The following POLH variants were observed in gnomAD, a reference collection of about 807,000 sequenced individuals.
POLH encodes the protein DNA polymerase eta transcript.
In POLH, 53 loss-of-function variants were observed where a neutral mutation model predicts 73.6. That is an observed-to-expected ratio of 0.72 (90% confidence interval 0.58 to 0.91). The LOEUF (loss-of-function observed/expected upper bound fraction) is 0.91, where lower values mean the gene tolerates loss of function less well. Ranked by LOEUF, POLH falls within the 40% of genes least tolerant of loss-of-function variation. The pLI is 0.00. For missense variants in POLH, 768 were observed against 865.4 expected, an observed-to-expected ratio of 0.89 and a Z score of 1.41; for synonymous variants, 292 against 308.5, an observed-to-expected ratio of 0.95 and a Z score of 0.56.
rs112592108 is a variant in POLH at position 43,579,898 on chromosome 6, C to CT, written c.-4-2402dup. On this transcript the variant is annotated intron_variant, in intron 1 of 10. Coordinates refer to ENST00000372236, the MANE Select transcript of POLH (RefSeq NM_006502.3). ...ATTGATTGTTGTTGAGTGAAAGAAT[C>CT]TTTTTTTTTTTTTTTTAAATTTATT... is the stretch of plus-strand genomic sequence containing the variant. Among the ~76,000 whole-genome samples the CT allele has an allele frequency of 7.9e-3, 1,083 of 137,016 alleles. 3 individuals are homozygous for CT. Among genetic ancestry groups the CT allele is most frequent in the Non-Finnish European group, 0.012 (739 of 63,312 alleles). The allele number at this position is 137,016 out of a possible 152,430, so 89.9% of individuals were successfully genotyped here.
intron 2 of POLH, 137 bp from the exon 3 acceptor site, chr6:43,582,870 C>T: frequency 1.3e-6 from 1 of 770,502 alleles, no homozygotes; most frequent in Non-Finnish European, 2.2e-6. Context: ...TTCTGAACTG[C>T]TTTGTTTTGG....
chr6:43,618,867 G>A lies in POLH; in HGVS notation c.*4310G>A, dbSNP rs539003236. ...GCTGGTCTTGAACTCTTGATCTCAA[G>A]TGATCCACCCGCCCTGGCCTCCCAA... On this transcript the variant is annotated 3_prime_UTR_variant, in exon 11 of 11. Transcript: ENST00000372236. Among the ~76,000 whole-genome samples, 592 of 151,946 alleles carry A rather than the reference G, an allele frequency of 3.9e-3. 8 individuals carry two copies. Among genetic ancestry groups the A allele is most frequent in the Non-Finnish European group, 3.7e-3 (251 of 67,968 alleles).
chr6:43,616,143 G>GTA lies in POLH; in HGVS notation c.*1586_*1587insTA, dbSNP rs1768321519. Among the ~76,000 whole-genome samples the GTA allele has an allele frequency of 1.3e-5, 2 of 152,010 alleles. No individual in the cohort carries two copies. Among genetic ancestry groups the GTA allele is most frequent in the Admixed American group, 6.6e-5 (1 of 15,266 alleles). On this transcript the variant is annotated 3_prime_UTR_variant, in exon 11 of 11. Transcript: ENST00000372236. ...ATACAAAAAAAAATTAGCCGGGTGC[G>GTA]GTGGCAGGCGCCTGTAGTCCCAGCT...
Position 43,619,364 on chromosome 6 carries a change from CAAAAAAAAAAAAAAAA to C in POLH, c.*4822_*4837del, listed in dbSNP as rs60046548. Among the ~76,000 whole-genome samples the C allele has an allele frequency of 5.7e-3, 213 of 37,096 alleles. 2 individuals are homozygous for C. Among genetic ancestry groups the C allele is most frequent in the African/African-American group, 0.011 (191 of 17,204 alleles). The allele number at this position is 37,096 out of a possible 152,430, so 24.3% of individuals were successfully genotyped here. A position where few individuals can be genotyped will look rare whatever the true frequency, so the allele number is the denominator to read the frequency against. ...TGGGTGACAGTCTGAGACCCTGTCT[CAAAAAAAAAAAAAAAA>C]AAAAAAAAAAAAAAGACTACATTCA... On this transcript the variant is annotated 3_prime_UTR_variant, in exon 11 of 11. Transcript: ENST00000372236.
rs911778127 is a variant in POLH, at chr6:43,610,549, C to T, written c.1075-5C>T. On this transcript the variant is annotated splice_polypyrimidine_tract_variant and splice_region_variant and intron_variant, in intron 9 of 10. Coordinates refer to ENST00000372236, the MANE Select transcript of POLH (RefSeq NM_006502.3). ...ATTTCTGGTCTCCATCCTTTCCACCCACAGAATGACAGGGTAGCCACCCAG... is the reference window on the plus strand; with the variant it reads ...ATTTCTGGTCTCCATCCTTTCCACCTACAGAATGACAGGGTAGCCACCCAG... 4 of 1,613,424 alleles carry T rather than the reference C, an allele frequency of 2.5e-6. No homozygotes were observed. Among genetic ancestry groups the T allele is most frequent in the Non-Finnish European group, 3.4e-6 (4 of 1,179,500 alleles).
intron 1 of POLH, among the ~76,000 whole-genome samples, chr6:43,576,936 A>G (rs941323656): frequency 2.0e-5 from 3 of 152,120 alleles, no homozygotes; most frequent in Non-Finnish European, 4.4e-5. Flanking sequence ...CGGGCGGATC[A>G]CCTGAGGTCA....
In POLH at chr6:43,587,326, T is replaced by G. The variant is rs1764935955; in HGVS notation, c.327T>G (p.Ile109Met). The change falls in exon 4 of 11, where the codon ATT becomes ATG. Residue 109 changes from isoleucine to methionine, a missense_variant. By Grantham distance (10) the Ile-to-Met change is conservative (BLOSUM62 1). Transcript: ENST00000372236. ...AGATAATGTCTCGTTTTGCTGTGAT[T>G]GAACGTGCCAGCATTGATGAGGCTT... ...VMEIMSRFAVIERASIDEAYV... is the reference protein window; with the variant it reads ...VMEIMSRFAVMERASIDEAYV... The G allele has an allele frequency of 6.2e-7, 1 of 1,614,186 alleles. No homozygotes were observed. Among genetic ancestry groups the G allele is most frequent in the Non-Finnish European group, 8.5e-7 (1 of 1,179,998 alleles).
At chr6:43,601,812 A>G (rs1009679627) in intron 6 of POLH, among the ~76,000 whole-genome samples, 1 of 151,936 alleles carries the variant, frequency 6.6e-6, no homozygotes, top group Admixed American at 6.6e-5. Flanking sequence ...TAATCCCAGC[A>G]CTTTGGGAGG....
intron 9 of POLH, among the ~76,000 whole-genome samples, chr6:43,608,444 C>T (rs957294966): frequency 3.9e-5 from 6 of 152,172 alleles, no homozygotes; most frequent in African/African-American, 9.7e-5. Flanking sequence ...GATCCAGTTG[C>T]GTTATCGCCC....
At chr6:43,592,251 A>AT (rs1765534834) in intron 4 of POLH, among the ~76,000 whole-genome samples, 3 of 152,206 alleles carry the variant, frequency 2.0e-5, no homozygotes, top group African/African-American at 7.2e-5. Flanking sequence ...TCCAGAAATC[A>AT]TTTTTCATGG....
chr6:43,578,654 G>A (rs1763670855), intron 1 of POLH, among the ~76,000 whole-genome samples: 1 of 152,162 alleles, frequency 6.6e-6, no homozygotes, highest in Admixed American at 6.5e-5. Context: ...ATTGTGTTAA[G>A]TAAGATGTTA....
chr6:43,594,518 C>A (rs1402277968), intron 4 of POLH, among the ~76,000 whole-genome samples: 1 of 152,068 alleles, frequency 6.6e-6, no homozygotes, highest in Non-Finnish European at 1.5e-5. Flanking sequence ...ACCAGCCTGG[C>A]CAACATGGTG....
rs2127773135 is a variant in POLH, at chr6:43,582,389, C to T, written c.70C>T (p.Arg24Trp). 1.2e-6 allele frequency: 2 copies of T among 1,613,746 alleles called. No homozygotes were observed. Among genetic ancestry groups the T allele is most frequent in the South Asian group, 1.1e-5 (1 of 91,082 alleles). Reference sequence around the variant, plus strand: ...CTGTTTTTTTGTTCAAGTGGAGCAGCGGCAAAATCCTCATTTGAGGAATAA... The same window carrying T: ...CTGTTTTTTTGTTCAAGTGGAGCAGTGGCAAAATCCTCATTTGAGGAATAA... ...MDCFFVQVEQRQNPHLRNKPC... is the reference protein window; with the variant it reads ...MDCFFVQVEQWQNPHLRNKPC... The change falls in exon 2 of 11, where the codon CGG becomes TGG. Residue 24 changes from arginine to tryptophan, a missense_variant. By Grantham distance (101) the Arg-to-Trp change is moderately radical (BLOSUM62 -3). Coordinates refer to ENST00000372236, the MANE Select transcript of POLH (RefSeq NM_006502.3).
intron 1 of POLH, among the ~76,000 whole-genome samples, chr6:43,581,861 G>A (rs985052587): frequency 1.3e-5 from 2 of 150,298 alleles, no homozygotes; most frequent in African/African-American, 4.9e-5. Flanking sequence ...CCCAGCCCGC[G>A]GCGCCTTCGA....
At chr6:43,608,994 C>T (rs932747400) in intron 9 of POLH, among the ~76,000 whole-genome samples, 2 of 152,192 alleles carry the variant, frequency 1.3e-5, no homozygotes, top group Admixed American at 1.3e-4. Context: ...TAAGTAAGCT[C>T]TTACTTTAGC....
intron 2 of POLH, 75 bp from the exon 3 acceptor site, chr6:43,582,932 C>A: frequency 8.0e-7 from 1 of 1,253,726 alleles, no homozygotes. Flanking sequence ...TTATAGATTA[C>A]TTGTGTTAAA....
chr6:43,596,052 G>C (rs138278197), intron 4 of POLH, among the ~76,000 whole-genome samples: 1 of 152,056 alleles, frequency 6.6e-6, no homozygotes, highest in Non-Finnish European at 1.5e-5. Context: ...TCATATTACA[G>C]ATAAAAGGTA....
intron 9 of POLH, 82 bp downstream of exon 9, chr6:43,605,401 A>G: frequency 1.3e-6 from 1 of 752,410 alleles, no homozygotes. Context: ...GCAGGAACAA[A>G]GACAGAAAAA....
Position 43,617,883 on chromosome 6 carries a change from G to A in POLH, c.*3326G>A, listed in dbSNP as rs1768454090. Among the ~76,000 whole-genome samples the A allele has an allele frequency of 6.6e-6, 1 of 151,844 alleles. No homozygotes were observed. On this transcript the variant is annotated 3_prime_UTR_variant, in exon 11 of 11. Coordinates refer to ENST00000372236, the MANE Select transcript of POLH (RefSeq NM_006502.3). ...TGCAGTGAGCCCAGATCGTGCCACT[G>A]CACTGCACCCTGGCGACACAGCAAG...
Sources: gnomAD v4.1 joint callset for allele counts (sites outside exome capture counted in the v4.1 genomes callset) on GRCh38, gnomAD v4.1.1 for gene constraint, MANE v1.5 for transcripts, NCBI Gene and HGNC (gene_info 2026-07-23, HGNC 2026-07-21) for gene names.